Variants in KRT80 observed in about 807,000 individuals in gnomAD.
KRT80 encodes keratin 80, also known as keratin, type II cytoskeletal 80.
In KRT80, 36 loss-of-function variants were observed where a neutral mutation model predicts 51.5. The ratio of observed to expected loss-of-function variants is 0.70; its 90% CI spans 0.54 to 0.92. The LOEUF is 0.92. KRT80 is among the 40% of genes least tolerant of loss of function. The pLI, the probability that KRT80 is intolerant of heterozygous loss-of-function variation, is 0.00. For synonymous variants in KRT80, 235 were observed against 248.3 expected (o/e 0.95, Z 0.50); for missense variants, 566 against 591.7 (o/e 0.96, Z 0.45).
intron 1 of KRT80, among the ~76,000 whole-genome samples, chr12:52,187,278 C>T (rs111478331): frequency 0.024 from 3,692 of 152,342 alleles, 150 homozygotes; most frequent in African/African-American, 0.085. Flanking sequence ...GGCCCAGGCT[C>T]CCAGAATCGT....
Position 52,191,656 on chromosome 12 carries a change from C to T in KRT80, c.247G>A (p.Glu83Lys), listed in dbSNP as rs750166954. Residue 83 changes from glutamate (E) to lysine (K), a missense_variant, in exon 1 of 9, where the codon GAG (glutamate) becomes AAG (lysine). Transcript: ENST00000394815. ...DPAVQQLKNQ[E>K]KEEMKALNDK... is the part of the protein sequence containing the mutation. ...TTGAGGGCCTTCATCTCCTCCTTCT[C>T]CTGGTTCTTCAGCTGCTGAACAGCG... 1 of 1,611,028 alleles carries T rather than the reference C, an allele frequency of 6.2e-7. No homozygotes were observed. The highest frequency in any genetic ancestry group is 8.5e-7 in the Non-Finnish European group (1 of 1,177,860).
At chr12:52,189,698 C>T (rs1376942482) in intron 1 of KRT80, among the ~76,000 whole-genome samples, 1 of 152,186 alleles carries the variant, frequency 6.6e-6, no homozygotes, top group Non-Finnish European at 1.5e-5. Flanking sequence ...GGCCCTGCAA[C>T]CAGGGCCCCC....
At chr12:52,178,421 C>T (rs1302247229) in intron 4 of KRT80, among the ~76,000 whole-genome samples, 1 of 151,492 alleles carries the variant, frequency 6.6e-6, no homozygotes, top group Non-Finnish European at 1.5e-5. Context: ...GCCAGGCTCC[C>T]CTCCTGCCTT....
chr12:52,174,179 G>C (rs1941176728), intron 4 of KRT80, among the ~76,000 whole-genome samples: 1 of 152,232 alleles, frequency 6.6e-6, no homozygotes, highest in Non-Finnish European at 1.5e-5. Context: ...TGTGCTGTGG[G>C]GTACAGCTCT....
At chr12:52,190,997 A>G (rs1941471864) in intron 1 of KRT80, among the ~76,000 whole-genome samples, 1 of 152,118 alleles carries the variant, frequency 6.6e-6, no homozygotes, top group African/African-American at 2.4e-5. Context: ...AGGAAGGCCC[A>G]ACTGGCTTCC....
chr12:52,177,657 G>GCA (rs1266976778), intron 4 of KRT80, among the ~76,000 whole-genome samples: 41 of 148,606 alleles, frequency 2.8e-4, no homozygotes, highest in African/African-American at 6.8e-4. Context: ...GTGTGTGTGT[G>GCA]TGTGTGTGCA....
At chr12:52,179,688 G>T (rs563705558) in intron 4 of KRT80, among the ~76,000 whole-genome samples, 1 of 152,360 alleles carries the variant, frequency 6.6e-6, no homozygotes, top group African/African-American at 2.4e-5. Context: ...TTTGATCTCA[G>T]CCTTGACCTT....
intron 1 of KRT80, 100 bp from the exon 2 acceptor site, chr12:52,185,687 G>A: frequency 6.5e-7 from 1 of 1,538,262 alleles, no homozygotes; most frequent in African/African-American, 1.4e-5. Flanking sequence ...TCCCTGGGAA[G>A]TGGCAGCTCA....
intron 1 of KRT80, among the ~76,000 whole-genome samples, chr12:52,191,144 TG>T (rs1197680804): frequency 1.3e-5 from 2 of 152,138 alleles, no homozygotes; most frequent in African/African-American, 4.8e-5. Context: ...CTTTTCTGAC[TG>T]GGGCAGCTGA....
intron 7 of KRT80, 104 bp downstream of exon 7, chr12:52,172,094 G>T: frequency 1.6e-6 from 2 of 1,283,122 alleles, no homozygotes; most frequent in South Asian, 1.4e-5. Flanking sequence ...CCCAGGCCTG[G>T]TAGGCTCACT....
Position 52,180,927 on chromosome 12 carries a change from C to G in KRT80, c.546G>C (p.Glu182Asp), listed in dbSNP as rs951580263. The change falls in exon 3 of 9, where the codon GAG becomes GAC. Residue 182 changes from glutamate (E) to aspartate (D), a missense_variant. By Grantham distance (45) the Glu-to-Asp change is conservative. Coordinates refer to ENST00000394815, the MANE Select transcript of KRT80 (RefSeq NM_182507.3). ...CCTTCTTCAGCTGAACAAAGGTGAA[C>G]TCCATGTCTGTGCGCTTGGAGATCT... ...EDEISKRTDM[E>D]FTFVQLKKDL... is the part of the protein sequence containing the mutation. 6.4e-7 allele frequency: 1 copy of G among 1,557,032 alleles called. No homozygotes were observed. The highest frequency in any genetic ancestry group is 8.7e-7 in the Non-Finnish European group (1 of 1,154,558).
At chr12:52,183,695 A>G (rs1565697492) in intron 2 of KRT80, among the ~76,000 whole-genome samples, 2 of 152,390 alleles carry the variant, frequency 1.3e-5, no homozygotes, top group South Asian at 2.1e-4. Context: ...TAGTGTGTGT[A>G]TAGAACTTCC....
chr12:52,188,853 C>T (rs534170010), intron 1 of KRT80, among the ~76,000 whole-genome samples: 4 of 152,318 alleles, frequency 2.6e-5, no homozygotes, highest in Admixed American at 6.5e-5. Flanking sequence ...TGCTGGAGGT[C>T]GGCCTTGCGC....
chr12:52,183,352 C>A (rs751384461), intron 2 of KRT80, among the ~76,000 whole-genome samples: 14 of 152,236 alleles, frequency 9.2e-5, no homozygotes, highest in Non-Finnish European at 1.5e-4. Context: ...ATCCCCACCC[C>A]CGCAACTTGT....
intron 1 of KRT80, 189 bp from the exon 2 acceptor site, chr12:52,185,776 T>G: frequency 7.9e-7 from 1 of 1,270,922 alleles, no homozygotes; most frequent in Non-Finnish European, 1.1e-6. Context: ...GATGGTGAGA[T>G]AAGGACAGGA....
rs1361080791 is a variant in KRT80, at chr12:52,173,626, C to T, written c.805G>A (p.Glu269Lys). ...TGGCTCCGAGAGTATGCCTCGGCCT[C>T]CTCCAGGCTGCGAGCCGCGACGGCG... is the stretch of plus-strand genomic sequence containing the variant. ...YDAVAARSLE[E>K]AEAYSRSQLE... Residue 269 changes from glutamate (E) to lysine (K), a missense_variant, in exon 5 of 9, where the codon GAG (glutamate) becomes AAG (lysine). By Grantham distance (56) the Glu-to-Lys change is moderately conservative. Coordinates refer to ENST00000394815, the MANE Select transcript of KRT80 (RefSeq NM_182507.3). The T allele has an allele frequency of 6.2e-7, 1 of 1,613,014 alleles. No individual in the cohort carries two copies. The highest frequency in any genetic ancestry group is 1.7e-5 in the Admixed American group (1 of 60,032).
Position 52,191,977 on chromosome 12 carries a change from C to T in KRT80, c.-75G>A. On this transcript the variant is annotated 5_prime_UTR_variant, in exon 1 of 9. Transcript: ENST00000394815. ...CTGGGGTTGCGTCGGGTGGCAGGCTCTGGTTGCTCTGGTCACAGCTGGGGC... is the reference window on the plus strand; with the variant it reads ...CTGGGGTTGCGTCGGGTGGCAGGCTTTGGTTGCTCTGGTCACAGCTGGGGC... The T allele has an allele frequency of 5.3e-6, 7 of 1,309,360 alleles. No homozygotes were observed. The East Asian group carries it at 1.0e-4, about 19-fold the overall frequency. 81.1% of individuals were successfully genotyped at this position (1,309,360 alleles called of 1,614,324 possible). A position where few individuals can be genotyped will look rare whatever the true frequency, so the allele number is the denominator to read the frequency against.
Position 52,171,371 on chromosome 12 carries a change from C to T in KRT80, c.*27G>A, listed in dbSNP as rs200099091. 2.6e-6 allele frequency: 4 copies of T among 1,558,296 alleles called. No individual in the cohort carries two copies. Among genetic ancestry groups the T allele is most frequent in the Middle Eastern group, 1.7e-4 (1 of 5,754 alleles). On this transcript the variant is annotated 3_prime_UTR_variant, in exon 9 of 9. Transcript: ENST00000394815. ...AAGTCCCTCCTGCTGCAGTGGAGTGCCCTGGGGTTCCTGGGGTCCAGCCGC... is the reference window on the plus strand; with the variant it reads ...AAGTCCCTCCTGCTGCAGTGGAGTGTCCTGGGGTTCCTGGGGTCCAGCCGC...
chr12:52,179,087 T>A (rs918023529), intron 4 of KRT80, among the ~76,000 whole-genome samples: 3 of 152,206 alleles, frequency 2.0e-5, no homozygotes, highest in African/African-American at 7.2e-5. Flanking sequence ...TGCTGAGACA[T>A]CAGTGAGCAG....
Sources: allele counts gnomAD v4.1 joint callset (sites outside exome capture counted in the v4.1 genomes callset), GRCh38; gene constraint gnomAD v4.1.1; transcripts MANE v1.5; gene names NCBI Gene and HGNC (gene_info 2026-07-23, HGNC 2026-07-21).